Variants in BBS9 observed in about 807,000 individuals in gnomAD.
BBS9 encodes the protein protein PTHB1.
Under a neutral mutation model 117.7 loss-of-function variants are expected in BBS9, and 89 were observed. That is an observed-to-expected ratio of 0.76 (90% CI 0.64 to 0.90). The LOEUF (loss-of-function observed/expected upper bound fraction) is 0.90. Ranked by LOEUF, BBS9 falls within the 40% of genes least tolerant of loss-of-function variation. The pLI is 0.00. For missense variants in BBS9, 982 were observed against 1,042.2 expected, an observed-to-expected ratio of 0.94 and a Z score of 0.80; for synonymous variants, 379 against 370.9, an observed-to-expected ratio of 1.02 and a Z score of -0.25.
At chr7:33,577,134 A>G (rs1859041818) in intron 21 of BBS9, among the ~76,000 whole-genome samples, 1 of 152,218 alleles carries the variant, frequency 6.6e-6, no homozygotes, top group African/African-American at 2.4e-5. Context: ...GAATGGGAGA[A>G]AATTTTTGCA....
intron 16 of BBS9, among the ~76,000 whole-genome samples, chr7:33,358,403 A>G (rs1820032098): frequency 6.6e-6 from 1 of 151,776 alleles, no homozygotes; most frequent in South Asian, 2.1e-4. Flanking sequence ...CTTTTAAAGT[A>G]TATTCTTATG....
At chr7:33,217,281 G>A (rs1789266671) in intron 5 of BBS9, among the ~76,000 whole-genome samples, 1 of 151,844 alleles carries the variant, frequency 6.6e-6, no homozygotes, top group South Asian at 2.1e-4. Flanking sequence ...ATATGTTGAT[G>A]TATTTATGGT....
At chr7:33,178,567 C>T (rs1472435677) in intron 5 of BBS9, among the ~76,000 whole-genome samples, 1 of 152,134 alleles carries the variant, frequency 6.6e-6, no homozygotes, top group Non-Finnish European at 1.5e-5. Context: ...CAGGTGGTGA[C>T]ACTTACCTGT....
intron 19 of BBS9, among the ~76,000 whole-genome samples, chr7:33,461,042 C>T (rs1029902189): frequency 6.6e-6 from 1 of 151,918 alleles, no homozygotes; most frequent in African/African-American, 2.4e-5. Context: ...AAGGTTTATC[C>T]ACTTTGTAGC....
intron 16 of BBS9, among the ~76,000 whole-genome samples, chr7:33,366,625 G>C (rs10271404): frequency 6.8e-6 from 1 of 146,042 alleles, no homozygotes; most frequent in African/African-American, 2.5e-5. Flanking sequence ...GCTCCCTGCA[G>C]CCTCCACCTC....
chr7:33,410,894 G>A (rs530141504), intron 19 of BBS9, among the ~76,000 whole-genome samples: 7 of 148,832 alleles, frequency 4.7e-5, no homozygotes, highest in South Asian at 4.2e-4. Context: ...CACACGTCTC[G>A]TAAGATCCAT....
At chr7:33,521,975 C>T (rs1848685381) in intron 20 of BBS9, among the ~76,000 whole-genome samples, 1 of 148,134 alleles carries the variant, frequency 6.8e-6, no homozygotes, top group African/African-American at 2.5e-5. Context: ...CAGTTCCCAC[C>T]TATGAGTGAG....
intron 19 of BBS9, among the ~76,000 whole-genome samples, chr7:33,500,201 A>G (rs1845254222): frequency 6.6e-6 from 1 of 152,250 alleles, no homozygotes; most frequent in African/African-American, 2.4e-5. Context: ...ACAGTAGGAA[A>G]GCATAACTAA....
chr7:33,306,692 A>T (rs942964733), intron 9 of BBS9, among the ~76,000 whole-genome samples: 1 of 152,134 alleles, frequency 6.6e-6, no homozygotes, highest in African/African-American at 2.4e-5. Context: ...ACGTACAAAA[A>T]GCATATGCTA....
intron 2 of BBS9, among the ~76,000 whole-genome samples, chr7:33,146,981 T>C (rs1792501189): frequency 6.6e-6 from 1 of 152,164 alleles, no homozygotes; most frequent in African/African-American, 2.4e-5. Context: ...ATATTTTGTA[T>C]TTTGAAAAAT....
intron 3 of BBS9, among the ~76,000 whole-genome samples, chr7:33,154,214 T>G (rs1333777324): frequency 6.6e-6 from 1 of 152,186 alleles, no homozygotes; most frequent in Non-Finnish European, 1.5e-5. Context: ...CATTTTCTAC[T>G]AGTAGAGCAA....
chr7:33,442,253 A>G (rs1438180358), intron 19 of BBS9, among the ~76,000 whole-genome samples: 1 of 152,116 alleles, frequency 6.6e-6, no homozygotes, highest in African/African-American at 2.4e-5. Context: ...ATCCATGAAC[A>G]CTTGGTCTAA....
chr7:33,538,321 A>G (rs992826956), intron 21 of BBS9, among the ~76,000 whole-genome samples: 1 of 152,220 alleles, frequency 6.6e-6, no homozygotes, highest in African/African-American at 2.4e-5. Flanking sequence ...TCATTTTGAG[A>G]TGTGGTAGGG....
intron 21 of BBS9, among the ~76,000 whole-genome samples, chr7:33,554,421 CA>C (rs1163171067): frequency 6.6e-6 from 1 of 151,994 alleles, no homozygotes. Context: ...GATAGAAGTA[CA>C]AATATCTACA....
chr7:33,189,566 G>T (rs887392428), intron 5 of BBS9, among the ~76,000 whole-genome samples: 4 of 151,230 alleles, frequency 2.6e-5, no homozygotes, highest in African/African-American at 9.7e-5. Context: ...ACCACCATCT[G>T]GTTCTTTCTT....
intron 19 of BBS9, among the ~76,000 whole-genome samples, chr7:33,452,506 T>G (rs1202830607): frequency 6.6e-6 from 1 of 152,208 alleles, no homozygotes; most frequent in East Asian, 1.9e-4. Flanking sequence ...CTTTCTAGCC[T>G]CAGCGTTCTT....
At chr7:33,425,570 C>A (rs1459874308) in intron 19 of BBS9, among the ~76,000 whole-genome samples, 1 of 152,100 alleles carries the variant, frequency 6.6e-6, no homozygotes, top group Non-Finnish European at 1.5e-5. Context: ...TTCTCATAAA[C>A]AGGCACATTT....
chr7:33,195,918 G>C (rs954549539), intron 5 of BBS9, among the ~76,000 whole-genome samples: 2 of 152,056 alleles, frequency 1.3e-5, no homozygotes, highest in African/African-American at 2.4e-5. Context: ...GTAGTCTCAC[G>C]TTTGTGACTG....
chr7:33,229,924 GT>G (rs1486281615), intron 5 of BBS9, among the ~76,000 whole-genome samples: 7 of 152,032 alleles, frequency 4.6e-5, no homozygotes, highest in Admixed American at 3.9e-4. Flanking sequence ...AACATTTGTT[GT>G]TTTTTGCCTT....
Sources: allele counts gnomAD v4.1 joint callset (sites outside exome capture counted in the v4.1 genomes callset), GRCh38; gene constraint gnomAD v4.1.1; transcripts MANE v1.5; gene names NCBI Gene and HGNC (gene_info 2026-07-23, HGNC 2026-07-21).